COL14A1: variants seen among roughly 807,000 people sequenced by gnomAD.
The protein encoded by COL14A1 is collagen type XIV alpha 1 chain.
COL14A1 carries 136 observed loss-of-function variants against 230.3 expected under a neutral mutation model. The ratio of observed to expected loss-of-function variants is 0.59; its 90% CI spans 0.51 to 0.68. The LOEUF (loss-of-function observed/expected upper bound fraction) is 0.68, where lower values mean the gene tolerates loss of function less well. COL14A1 is among the 30% of genes least tolerant of loss of function. The pLI, the probability that COL14A1 is intolerant of heterozygous loss-of-function variation, is 0.00. For missense variants in COL14A1, 1,976 were observed against 2,215.8 expected (o/e 0.89, Z 2.17); for synonymous variants, 792 against 784.1 (o/e 1.01, Z -0.17).
intron 14 of COL14A1, among the ~76,000 whole-genome samples, chr8:120,222,657 G>A (rs923596873): frequency 6.6e-6 from 1 of 151,846 alleles, no homozygotes; most frequent in Non-Finnish European, 1.5e-5. Flanking sequence ...TTCTTTAGAG[G>A]TGTATTTGGC....
rs768406600 is a variant in COL14A1 at position 120,162,528 on chromosome 8, A to G, written c.308A>G (p.Asn103Ser). 4.4e-6 allele frequency: 7 copies of G among 1,609,156 alleles called. No homozygotes were observed. The highest frequency in any genetic ancestry group is 4.0e-5 in the African/African-American group (3 of 74,782). ...TACACAGTTCAAATTATTGCATACA[A>G]TAAAGATAAAGAAAGCAAGCCAGCT... Reference protein sequence around the residue: ...QNYTVQIIAYNKDKESKPAQG... With the variant: ...QNYTVQIIAYSKDKESKPAQG... Residue 103 changes from asparagine (N) to serine (S), a missense_variant, in exon 4 of 48, where the codon AAT becomes AGT. Transcript: ENST00000297848.
chr8:120,330,471 A>G (rs1821825457), intron 40 of COL14A1, among the ~76,000 whole-genome samples: 1 of 152,186 alleles, frequency 6.6e-6, no homozygotes, highest in African/African-American at 2.4e-5. Context: ...GTGACATCTT[A>G]AATGACGGCA....
At chr8:120,342,490 C>G (rs1417952103) in intron 44 of COL14A1, 44 bp downstream of exon 44, 1 of 1,580,430 alleles carries the variant, frequency 6.3e-7, no homozygotes, top group Non-Finnish European at 8.7e-7. Context: ...ATAACAAACT[C>G]TCATCCAAAA....
rs1400515612 is a variant in COL14A1, at chr8:120,226,718, G to T, written c.1956G>T (p.Gly652=). 3 of 1,613,680 alleles carry T rather than the reference G, an allele frequency of 1.9e-6. No individual in the cohort carries two copies. The highest frequency in any genetic ancestry group is 2.5e-6 in the Non-Finnish European group (3 of 1,179,856). The change falls in exon 16 of 48, where the codon GGG becomes GGT. Residue 652 remains glycine (G), a synonymous_variant. Coordinates refer to ENST00000297848, the MANE Select transcript of COL14A1 (RefSeq NM_021110.4). ...GGCATCCCCTCTCAGCTGATGAAGG[G>T]CTACACAAATTGATGTGGATTCCAG... ...VTWHPLSADE[G]LHKLMWIPVY... is the part of the protein sequence containing the mutation.
chr8:120,269,673 A>G (rs1421382192), intron 25 of COL14A1, among the ~76,000 whole-genome samples: 1 of 151,672 alleles, frequency 6.6e-6, no homozygotes, highest in Non-Finnish European at 1.5e-5. Flanking sequence ...CTTTTTTCCA[A>G]TCAGTTGGCA....
chr8:120,255,400 A>G (rs1245523918), intron 23 of COL14A1, 44 bp downstream of exon 23: 1 of 1,416,614 alleles, frequency 7.1e-7, no homozygotes, highest in Non-Finnish European at 1.0e-6. Context: ...GCATTTGTGT[A>G]TTTGATTCTT....
At chr8:120,319,423 C>T (rs1366608563) in intron 40 of COL14A1, among the ~76,000 whole-genome samples, 1 of 152,096 alleles carries the variant, frequency 6.6e-6, no homozygotes, top group Non-Finnish European at 1.5e-5. Flanking sequence ...GATTCTCCTG[C>T]CTCAGCCTCC....
intron 40 of COL14A1, among the ~76,000 whole-genome samples, chr8:120,323,608 G>T (rs1217179431): frequency 2.0e-5 from 3 of 152,120 alleles, no homozygotes; most frequent in African/African-American, 7.2e-5. Flanking sequence ...GTATAAGGAA[G>T]GGGTCCGGTT....
intron 1 of COL14A1, among the ~76,000 whole-genome samples, chr8:120,132,562 A>AT (rs1376768330): frequency 1.2e-4 from 6 of 50,474 alleles, no homozygotes; most frequent in African/African-American, 9.7e-4. Context: ...TTTTGTTTAG[A>AT]ATTTTTTTTT....
At position 120,310,081 on chromosome 8, in the gene COL14A1, C is replaced by G. The variant is rs1454629367; in HGVS notation, c.4455+19C>G. On this transcript the variant is annotated intron_variant, in intron 37 of 47. Transcript: ENST00000297848. Reference sequence around the variant, plus strand: ...TCCAAAGGTAATGCGCATGTTTTCTCTCTCTCTCTGTCTCATCTCTCTCTC... The same window carrying G: ...TCCAAAGGTAATGCGCATGTTTTCTGTCTCTCTCTGTCTCATCTCTCTCTC... 1.2e-6 allele frequency: 2 copies of G among 1,610,772 alleles called. No individual in the cohort carries two copies. The highest frequency in any genetic ancestry group is 4.5e-5 in the East Asian group (2 of 44,834).
rs1277478702 is a variant in COL14A1, at chr8:120,203,761, C to G, written c.930C>G (p.Asp310Glu). Residue 310 changes from aspartate to glutamate, a missense_variant, in exon 9 of 48, where the codon GAC becomes GAG. Physicochemically the swap from Asp to Glu is conservative, Grantham distance 45. Transcript: ENST00000297848. Reference sequence around the variant, plus strand: ...TGCAGGAGATCGCCTCTGAACCAGACAGCACTCATGTGTACAATGTTGCCG... The same window carrying G: ...TGCAGGAGATCGCCTCTGAACCAGAGAGCACTCATGTGTACAATGTTGCCG... ...NELQEIASEP[D>E]STHVYNVAEF... 1.2e-6 allele frequency: 2 copies of G among 1,613,922 alleles called. No homozygotes were observed. Among genetic ancestry groups the G allele is most frequent in the Non-Finnish European group, 1.7e-6 (2 of 1,179,928 alleles).
chr8:120,330,474 T>C (rs573584679), intron 40 of COL14A1, among the ~76,000 whole-genome samples: 2 of 152,296 alleles, frequency 1.3e-5, no homozygotes, highest in African/African-American at 4.8e-5. Flanking sequence ...ACATCTTAAA[T>C]GACGGCAGGC....
intron 23 of COL14A1, among the ~76,000 whole-genome samples, 157 bp downstream of exon 23, chr8:120,255,513 G>A (rs552179099): frequency 3.9e-5 from 6 of 152,318 alleles, no homozygotes; most frequent in Admixed American, 1.3e-4. Flanking sequence ...GGTCTGACTG[G>A]TTGGGTAAGT....
intron 4 of COL14A1, among the ~76,000 whole-genome samples, chr8:120,166,923 G>GTGT: frequency 1.4e-5 from 1 of 71,524 alleles, no homozygotes; most frequent in Non-Finnish European, 3.2e-5. Flanking sequence ...TGTGTGTGTG[G>GTGT]TGGTGATGAT....
chr8:120,186,511 GT>G, intron 5 of COL14A1, among the ~76,000 whole-genome samples: 1 of 152,312 alleles, frequency 6.6e-6, no homozygotes, highest in Admixed American at 6.5e-5. Flanking sequence ...TCATTGTGAG[GT>G]TTTCTGACTG....
At position 120,125,197 on chromosome 8, in the gene COL14A1, AAGAG is replaced by A. The variant is rs922269222; in HGVS notation, c.-174_-171del. On this transcript the variant is annotated 5_prime_UTR_variant, in exon 1 of 48. Coordinates refer to ENST00000297848, the MANE Select transcript of COL14A1 (RefSeq NM_021110.4). ...AGCGGCAGAAGGAGAGGGAGAGAGA[AAGAG>A]AGAGAGGCTAATTAAAAAAGGATAC... 3 of 152,564 alleles carry A rather than the reference AAGAG, an allele frequency of 2.0e-5. No individual in the cohort carries two copies. Among genetic ancestry groups the A allele is most frequent in the African/African-American group, 7.2e-5 (3 of 41,460 alleles). The allele number at this position is 152,564 out of a possible 1,614,324, so 9.5% of individuals were successfully genotyped here.
chr8:120,171,690 C>T (rs1165011413), intron 5 of COL14A1, among the ~76,000 whole-genome samples: 1 of 152,042 alleles, frequency 6.6e-6, no homozygotes, highest in Non-Finnish European at 1.5e-5. Flanking sequence ...TGTCATCAGC[C>T]CAGATGTAGA....
At chr8:120,199,815 A>G (rs958876322) in intron 8 of COL14A1, among the ~76,000 whole-genome samples, 2 of 151,880 alleles carry the variant, frequency 1.3e-5, no homozygotes, top group African/African-American at 2.4e-5. Context: ...AAATGCTGTG[A>G]AAAGCATAAA....
rs2129920463 is a variant in COL14A1 at position 120,283,706 on chromosome 8, C to T, written c.3895C>T (p.Pro1299Ser). The T allele has an allele frequency of 6.2e-7, 1 of 1,613,704 alleles. No homozygotes were observed. The highest frequency in any genetic ancestry group is 2.2e-5 in the East Asian group (1 of 44,846). The change falls in exon 32 of 48, where the codon CCA becomes TCA. Residue 1299 changes from proline (P) to serine (S), a missense_variant. Physicochemically the swap from Pro to Ser is moderately conservative, Grantham distance 74. Transcript: ENST00000297848. ...SFLFRILPDT[P>S]QEPFALWEIL... ...TCTATTCCGGATTCTTCCTGACACT[C>T]CACAGGAGCCATTTGCTCTTTGGGA...
Sources: allele counts gnomAD v4.1 joint callset (sites outside exome capture counted in the v4.1 genomes callset), GRCh38; gene constraint gnomAD v4.1.1; transcripts MANE v1.5; gene names NCBI Gene and HGNC (gene_info 2026-07-23, HGNC 2026-07-21).